The following FSHR variants were observed in gnomAD, a reference collection of about 807,000 sequenced individuals.
FSHR encodes the protein follicle-stimulating hormone receptor.
FSHR carries 46 observed loss-of-function variants against 52.1 expected under a neutral mutation model. That is an observed-to-expected ratio of 0.88 (90% confidence interval 0.70 to 1.13). The LOEUF is 1.13. Among genes scored for constraint, FSHR ranks in the 50% most tolerant of loss-of-function variants. The pLI, the probability that FSHR is intolerant of heterozygous loss-of-function variation, is 0.00. For synonymous variants in FSHR, 399 were observed against 309.6 expected, an observed-to-expected ratio of 1.29 and a Z score of -3.03; for missense variants, 964 against 834.6, an observed-to-expected ratio of 1.16 and a Z score of -1.91.
intron 4 of FSHR, among the ~76,000 whole-genome samples, chr2:49,012,976 T>G (rs1407854160): frequency 1.3e-5 from 2 of 152,112 alleles, no homozygotes; most frequent in Admixed American, 6.6e-5. Context: ...TAAGGTTAAA[T>G]GAGGTCATAA....
At chr2:49,141,636 T>A (rs954665207) in intron 1 of FSHR, among the ~76,000 whole-genome samples, 2 of 152,106 alleles carry the variant, frequency 1.3e-5, no homozygotes, top group African/African-American at 4.8e-5. Context: ...ACATCCAAAC[T>A]ATGTCGCCAA....
intron 2 of FSHR, among the ~76,000 whole-genome samples, chr2:49,066,388 A>T (rs1669502351): frequency 6.6e-6 from 1 of 152,012 alleles, no homozygotes; most frequent in African/African-American, 2.4e-5. Context: ...TCTGGAAAGG[A>T]GATGAGAATT....
Position 48,968,747 on chromosome 2 carries a change from G to C in FSHR, c.805C>G (p.Leu269Val). 1 of 1,614,146 alleles carries C rather than the reference G, an allele frequency of 6.2e-7. No individual in the cohort carries two copies. The change falls in exon 9 of 10, where the codon CTC becomes GTC. Residue 269 changes from leucine (L) to valine (V), a missense_variant. Coordinates refer to ENST00000406846, the MANE Select transcript of FSHR (RefSeq NM_000145.4). ...EKLVALMEASLTYPSHCCAFA... is the reference protein window; with the variant it reads ...EKLVALMEASVTYPSHCCAFA... ...GCACAGCAATGGCTGGGATAGGTGAGGCTGGCTTCCATGAGGGCGACAAGC... is the reference window on the plus strand; with the variant it reads ...GCACAGCAATGGCTGGGATAGGTGACGCTGGCTTCCATGAGGGCGACAAGC...
chr2:49,012,011 T>C (rs1212661024), intron 4 of FSHR, among the ~76,000 whole-genome samples: 1 of 151,964 alleles, frequency 6.6e-6, no homozygotes, highest in African/African-American at 2.4e-5. Flanking sequence ...TGTTCCCACC[T>C]GAAGAAAGCA....
chr2:49,090,248 C>G (rs943456714), intron 1 of FSHR, among the ~76,000 whole-genome samples: 2 of 152,116 alleles, frequency 1.3e-5, no homozygotes, highest in Non-Finnish European at 2.9e-5. Flanking sequence ...CACCACAAAA[C>G]TCCCTTGGAC....
chr2:49,136,885 G>A (rs1315579657), intron 1 of FSHR, among the ~76,000 whole-genome samples: 1 of 151,954 alleles, frequency 6.6e-6, no homozygotes, highest in East Asian at 1.9e-4. Context: ...AGTCATCAAT[G>A]AAAAAACCAC....
intron 1 of FSHR, among the ~76,000 whole-genome samples, chr2:49,149,978 C>T (rs767399604): frequency 6.6e-6 from 1 of 151,964 alleles, no homozygotes; most frequent in Non-Finnish European, 1.5e-5. Context: ...AATCATCTGA[C>T]CCTGCTGAAG....
chr2:49,149,490 C>A (rs1318325461), intron 1 of FSHR, among the ~76,000 whole-genome samples: 1 of 152,008 alleles, frequency 6.6e-6, no homozygotes. Flanking sequence ...GTTGGATAGA[C>A]CAGCCTTTCC....
intron 1 of FSHR, among the ~76,000 whole-genome samples, chr2:49,145,525 A>C (rs1466135520): frequency 6.6e-6 from 1 of 152,124 alleles, no homozygotes; most frequent in East Asian, 1.9e-4. Flanking sequence ...CTGTTCTGGC[A>C]TCAGGCAGGC....
intron 1 of FSHR, among the ~76,000 whole-genome samples, chr2:49,073,885 T>G (rs1057314663): frequency 4.6e-5 from 7 of 151,976 alleles, no homozygotes; most frequent in Admixed American, 1.3e-4. Flanking sequence ...AAATAATCCA[T>G]GTATTGACAT....
chr2:49,000,955 A>T (rs903056522), intron 4 of FSHR, among the ~76,000 whole-genome samples: 1 of 152,150 alleles, frequency 6.6e-6, no homozygotes, highest in African/African-American at 2.4e-5. Context: ...AGAAAAAAAG[A>T]CTTGAAAATA....
intron 4 of FSHR, among the ~76,000 whole-genome samples, chr2:49,015,401 C>T (rs536606471): frequency 1.1e-4 from 17 of 152,054 alleles, no homozygotes; most frequent in Non-Finnish European, 2.1e-4. Context: ...GAGTATTTGA[C>T]CAGAAATAAT....
chr2:49,047,468 C>G (rs987791639), intron 2 of FSHR, among the ~76,000 whole-genome samples: 2 of 152,216 alleles, frequency 1.3e-5, no homozygotes, highest in African/African-American at 4.8e-5. Flanking sequence ...AGCACGATCA[C>G]CCTGCTCTCA....
chr2:49,017,616 G>A, intron 3 of FSHR, 53 bp from the exon 4 acceptor site: 1 of 1,328,456 alleles, frequency 7.5e-7, no homozygotes, highest in South Asian at 1.2e-5. Context: ...GAATGCTGTA[G>A]TATTTTTCAC....
rs963955470 is a variant in FSHR at position 48,990,546 on chromosome 2, C to A, written c.446+20G>T. On this transcript the variant is annotated intron_variant, in intron 5 of 9. Transcript: ENST00000406846. ...AGATACTGAGTAAAGAGTTGGTAGT[C>A]ACTCAAGGAAAAAACTTACAGTAAA... The A allele has an allele frequency of 2.6e-6, 4 of 1,526,194 alleles. No individual in the cohort carries two copies. The highest frequency in any genetic ancestry group is 1.4e-5 in the African/African-American group (1 of 72,934). 94.5% of individuals were successfully genotyped at this position (1,526,194 alleles called of 1,614,324 possible).
chr2:49,017,925 G>C (rs79721589), intron 3 of FSHR, among the ~76,000 whole-genome samples: 2 of 152,072 alleles, frequency 1.3e-5, no homozygotes, highest in African/African-American at 4.8e-5. Flanking sequence ...TAAGAGGTTA[G>C]GAATGAGACT....
intron 2 of FSHR, among the ~76,000 whole-genome samples, chr2:49,023,978 G>C (rs562078558): frequency 6.6e-6 from 1 of 152,174 alleles, no homozygotes; most frequent in African/African-American, 2.4e-5. Flanking sequence ...AGGACTTTAG[G>C]GAGCGAATAA....
rs371684302 is a variant in FSHR, at chr2:48,962,705, A to G, written c.*28T>C. ...AAAGGCAAGACTGAATTATCATTCA[A>G]TACTCAGATACATTTTCACATTGTG... On this transcript the variant is annotated 3_prime_UTR_variant, in exon 10 of 10. Transcript: ENST00000406846. 1.1e-5 allele frequency: 18 copies of G among 1,602,992 alleles called. No homozygotes were observed. In the Admixed American group the frequency reaches 2.0e-4, roughly 18 times the overall value.
chr2:48,981,097 C>G (rs566137016), intron 8 of FSHR, among the ~76,000 whole-genome samples: 21 of 152,292 alleles, frequency 1.4e-4, no homozygotes, highest in African/African-American at 4.8e-4. Flanking sequence ...CCCGAGTACT[C>G]TAAGAACAGG....
Sources: gnomAD v4.1 joint callset for allele counts (sites outside exome capture counted in the v4.1 genomes callset) on GRCh38, gnomAD v4.1.1 for gene constraint, MANE v1.5 for transcripts, NCBI Gene and HGNC (gene_info 2026-07-23, HGNC 2026-07-21) for gene names.